The following LRP1B variants were observed in gnomAD, a reference collection of about 807,000 sequenced individuals.
The protein encoded by LRP1B is low-density lipoprotein receptor-related protein 1B.
Under a neutral mutation model 556.6 loss-of-function variants are expected in LRP1B, and 217 were observed. That is an observed-to-expected ratio of 0.39 (90% CI 0.35 to 0.44). The LOEUF (loss-of-function observed/expected upper bound fraction) is 0.44. Ranked by LOEUF, LRP1B falls within the 20% of genes least tolerant of loss-of-function variation. The pLI is 1.00. For synonymous variants in LRP1B, 2,047 were observed against 1,865.8 expected (o/e 1.10, Z -2.50); for missense variants, 5,053 against 5,620.8 (o/e 0.90, Z 3.23).
chr2:140,866,903 G>A (rs946497527), intron 27 of LRP1B, among the ~76,000 whole-genome samples: 1 of 152,056 alleles, frequency 6.6e-6, no homozygotes, highest in Non-Finnish European at 1.5e-5. Flanking sequence ...AGGAGAAGAT[G>A]CAAGAGAGAG....
At chr2:140,296,860 G>GA (rs1683625360) in intron 84 of LRP1B, among the ~76,000 whole-genome samples, 2 of 152,036 alleles carry the variant, frequency 1.3e-5, no homozygotes, top group East Asian at 1.9e-4. Context: ...TGGGATCAAA[G>GA]AAAAAATATA....
chr2:141,524,745 A>G (rs1684638230), intron 2 of LRP1B, among the ~76,000 whole-genome samples: 1 of 151,822 alleles, frequency 6.6e-6, no homozygotes, highest in Non-Finnish European at 1.5e-5. Flanking sequence ...AAATTACCCC[A>G]TCAACTCTTA....
intron 41 of LRP1B, among the ~76,000 whole-genome samples, chr2:140,604,241 A>G (rs1682784202): frequency 6.6e-6 from 1 of 152,020 alleles, no homozygotes; most frequent in Admixed American, 6.6e-5. Context: ...AAAAAAAAAA[A>G]AAGAGTTTTC....
At chr2:141,572,544 T>G (rs1686568168) in intron 2 of LRP1B, among the ~76,000 whole-genome samples, 1 of 151,980 alleles carries the variant, frequency 6.6e-6, no homozygotes, top group South Asian at 2.1e-4. Context: ...AACAACCAAA[T>G]AGCAGCATAA....
At chr2:140,668,168 G>C (rs1036391871) in intron 41 of LRP1B, among the ~76,000 whole-genome samples, 1 of 151,710 alleles carries the variant, frequency 6.6e-6, no homozygotes, top group Non-Finnish European at 1.5e-5. Flanking sequence ...AAAATTAGCC[G>C]GGTGTGGCGG....
chr2:141,356,306 C>T (rs1688624263), intron 3 of LRP1B, among the ~76,000 whole-genome samples: 1 of 152,082 alleles, frequency 6.6e-6, no homozygotes, highest in South Asian at 2.1e-4. Flanking sequence ...CCCTGGAAGC[C>T]CTGATAGTTT....
At chr2:140,672,417 G>A (rs149764728) in intron 41 of LRP1B, among the ~76,000 whole-genome samples, 26 of 145,424 alleles carry the variant, frequency 1.8e-4, no homozygotes, top group Non-Finnish European at 3.4e-4. Flanking sequence ...CCAGGAAGCA[G>A]AGGTTGCAGT....
chr2:141,071,855 G>A (rs948984461), intron 7 of LRP1B, among the ~76,000 whole-genome samples: 2 of 152,100 alleles, frequency 1.3e-5, no homozygotes, highest in Admixed American at 6.6e-5. Context: ...AAATAAAAGA[G>A]TATACAAACA....
intron 7 of LRP1B, among the ~76,000 whole-genome samples, chr2:141,088,326 T>C (rs980613124): frequency 3.9e-5 from 6 of 152,338 alleles, no homozygotes; most frequent in Admixed American, 2.0e-4. Context: ...TACATCAATT[T>C]CACTTCTACT....
rs1393028815 is a variant in LRP1B at position 140,321,892 on chromosome 2, C to G, written c.12640+71G>C. 3 of 1,438,128 alleles carry G rather than the reference C, an allele frequency of 2.1e-6. No homozygotes were observed. In the East Asian group the frequency reaches 6.9e-5, roughly 33 times the overall value. 89.1% of individuals were successfully genotyped at this position (1,438,128 alleles called of 1,614,324 possible). On this transcript the variant is annotated intron_variant, in intron 82 of 90. Transcript: ENST00000389484. ...TGATGATGGAACAGATAATTTCACT[C>G]CATTTCACGAGGTGTGAAATTTTAT...
At chr2:141,449,903 C>T (rs1681351526) in intron 3 of LRP1B, among the ~76,000 whole-genome samples, 1 of 152,134 alleles carries the variant, frequency 6.6e-6, no homozygotes, top group Admixed American at 6.5e-5. Flanking sequence ...TAGCGGCATT[C>T]CTCACTTCTA....
intron 2 of LRP1B, among the ~76,000 whole-genome samples, chr2:141,551,651 G>A (rs1685754079): frequency 6.6e-6 from 1 of 151,896 alleles, no homozygotes; most frequent in Non-Finnish European, 1.5e-5. Flanking sequence ...TGGCTACATA[G>A]CATGCAAATG....
intron 77 of LRP1B, among the ~76,000 whole-genome samples, chr2:140,336,581 A>C (rs1287840579): frequency 6.6e-6 from 1 of 151,980 alleles, no homozygotes; most frequent in Non-Finnish European, 1.5e-5. Flanking sequence ...CTCACCACAC[A>C]TAATTTTGTT....
intron 11 of LRP1B, among the ~76,000 whole-genome samples, chr2:141,034,121 CCT>C (rs1164302867): frequency 2.6e-5 from 4 of 151,754 alleles, no homozygotes; most frequent in East Asian, 1.9e-4. Flanking sequence ...TCATGGTGTT[CCT>C]CTTTCTCAAC....
At chr2:140,642,238 A>G (rs1360720828) in intron 41 of LRP1B, among the ~76,000 whole-genome samples, 1 of 152,132 alleles carries the variant, frequency 6.6e-6, no homozygotes, top group Non-Finnish European at 1.5e-5. Context: ...TTCCCTAACT[A>G]TTCAAGGGAG....
chr2:141,450,764 G>T (rs1310148353), intron 3 of LRP1B, among the ~76,000 whole-genome samples: 1 of 151,886 alleles, frequency 6.6e-6, no homozygotes, highest in African/African-American at 2.4e-5. Flanking sequence ...TCTTAAGTGG[G>T]TCTACTTGGT....
intron 66 of LRP1B, among the ~76,000 whole-genome samples, chr2:140,394,946 G>GA (rs978799202): frequency 2.6e-5 from 4 of 152,018 alleles, no homozygotes; most frequent in African/African-American, 7.2e-5. Flanking sequence ...TATAAATGGA[G>GA]AAAAAAATGA....
chr2:141,759,235 T>C (rs748732510), intron 2 of LRP1B, among the ~76,000 whole-genome samples: 6 of 152,088 alleles, frequency 3.9e-5, no homozygotes, highest in Admixed American at 1.3e-4. Context: ...GTAGTAAGAA[T>C]AAAATTACAA....
intron 11 of LRP1B, among the ~76,000 whole-genome samples, chr2:141,046,189 CA>C (rs1299201141): frequency 6.6e-6 from 1 of 152,078 alleles, no homozygotes; most frequent in African/African-American, 2.4e-5. Context: ...TGTTTATTTA[CA>C]AACAGCAAAC....
Sources: gnomAD v4.1 joint callset for allele counts (sites outside exome capture counted in the v4.1 genomes callset) on GRCh38, gnomAD v4.1.1 for gene constraint, MANE v1.5 for transcripts, NCBI Gene and HGNC (gene_info 2026-07-23, HGNC 2026-07-21) for gene names.